KCTD2: variants seen among roughly 807,000 people sequenced by gnomAD.
KCTD2 encodes the protein BTB/POZ domain-containing protein KCTD2.
In KCTD2, 18 loss-of-function variants were observed where a neutral mutation model predicts 27.9. That is an observed-to-expected ratio of 0.64 (90% CI 0.45 to 0.96). The LOEUF (loss-of-function observed/expected upper bound fraction) is 0.96. Among genes scored for constraint, KCTD2 ranks in the 40% least tolerant of loss-of-function variants. The pLI is 0.00. For synonymous variants in KCTD2, 175 were observed against 148.4 expected (o/e 1.18, Z -1.30); for missense variants, 280 against 348.0 (o/e 0.80, Z 1.56).
chr17:75,044,691 A>G (rs2073195531), upstream of KCTD2, among the ~76,000 whole-genome samples: 1 of 152,224 alleles, frequency 6.6e-6, no homozygotes, highest in Non-Finnish European at 1.5e-5. Flanking sequence ...AAAAATACAG[A>G]AAACGACTAC....
intron 2 of KCTD2, among the ~76,000 whole-genome samples, chr17:75,050,706 A>T (rs1021777392): frequency 1.3e-5 from 2 of 152,224 alleles, no homozygotes; most frequent in African/African-American, 4.8e-5. Flanking sequence ...GCCTTTAATT[A>T]AAAAAACTTT....
At position 75,052,999 on chromosome 17, in the gene KCTD2, T is replaced by C. The variant is rs1452176166; in HGVS notation, c.449-15T>C. On this transcript the variant is annotated splice_polypyrimidine_tract_variant and intron_variant, in intron 2 of 5. Transcript: ENST00000322444. ...CCCTCGCACCTATCTGACTGCAGTT[T>C]TGTCCTTGTTCCAGGTGTGCTGGAG... 6.2e-7 allele frequency: 1 copy of C among 1,611,126 alleles called. No homozygotes were observed. The highest frequency in any genetic ancestry group is 8.5e-7 in the Non-Finnish European group (1 of 1,177,196).
intron 4 of KCTD2, chr17:75,060,602 G>A (rs760698134): frequency 7.3e-5 from 117 of 1,603,828 alleles, no homozygotes; most frequent in Non-Finnish European, 8.8e-5. Flanking sequence ...CGGCCTCCCC[G>A]CTCTGGCTCG....
chr17:75,036,363 C>T (rs1281695818), intron 3 of KCTD2, among the ~76,000 whole-genome samples: 5 of 152,200 alleles, frequency 3.3e-5, no homozygotes, highest in African/African-American at 7.2e-5. Flanking sequence ...CCTAGTGATC[C>T]GCTCACCTCG....
intron 3 of KCTD2, among the ~76,000 whole-genome samples, chr17:75,056,325 G>A (rs2073350193): frequency 6.6e-6 from 1 of 152,118 alleles, no homozygotes; most frequent in East Asian, 1.9e-4. Flanking sequence ...ATATTTAATA[G>A]TTTAGACATT....
intron 3 of KCTD2, among the ~76,000 whole-genome samples, chr17:75,054,616 T>C (rs982588700): frequency 6.6e-6 from 1 of 151,938 alleles, no homozygotes; most frequent in African/African-American, 2.4e-5. Flanking sequence ...CCATCCTGGC[T>C]AACACGGTGA....
intron 2 of KCTD2, among the ~76,000 whole-genome samples, chr17:75,050,603 A>T (rs1355782505): frequency 6.6e-6 from 1 of 152,172 alleles, no homozygotes; most frequent in Non-Finnish European, 1.5e-5. Context: ...AAATAAGCAC[A>T]TCATGGAGAA....
intron 4 of KCTD2, 146 bp from the exon 5 acceptor site, chr17:75,061,974 G>T: frequency 1.2e-6 from 1 of 817,218 alleles, no homozygotes; most frequent in East Asian, 3.2e-5. Context: ...TCTCCCCGGG[G>T]GCTTTGGTAG....
intron 2 of KCTD2, among the ~76,000 whole-genome samples, chr17:75,050,211 T>C (rs1161553133): frequency 6.6e-6 from 1 of 152,178 alleles, no homozygotes; most frequent in African/African-American, 2.4e-5. Context: ...GTGATCTTAA[T>C]CTTATTTATT....
upstream of KCTD2, among the ~76,000 whole-genome samples, chr17:75,044,072 T>A (rs1462269551): frequency 6.7e-6 from 1 of 149,386 alleles, no homozygotes; most frequent in East Asian, 1.9e-4. Context: ...TCCCCCGGGC[T>A]GGAGTGCAGT....
intron 3 of KCTD2, chr17:75,039,077 G>GA (rs1567986524): frequency 3.7e-6 from 6 of 1,613,798 alleles, no homozygotes; most frequent in East Asian, 2.2e-5. Context: ...GAAAGAGGGG[G>GA]AATGTGTTTA....
At chr17:75,050,802 T>C (rs144818105) in intron 2 of KCTD2, among the ~76,000 whole-genome samples, 1 of 152,162 alleles carries the variant, frequency 6.6e-6, no homozygotes, top group East Asian at 1.9e-4. Flanking sequence ...ATTAACCAAT[T>C]TTCAATGTTA....
At chr17:75,044,254 G>A (rs1286621268), upstream of KCTD2, among the ~76,000 whole-genome samples, 1 of 96,446 alleles carries the variant, frequency 1.0e-5, no homozygotes, top group Non-Finnish European at 1.8e-5. Flanking sequence ...GCCGGACTGC[G>A]GACTGCAGTG....
Position 75,064,101 on chromosome 17 carries a change from G to GGTAT in KCTD2, c.*1065_*1068dup, listed in dbSNP as rs1321243368. The GGTAT allele has an allele frequency of 1.3e-5, 2 of 152,666 alleles. No homozygotes were observed. Among genetic ancestry groups the GGTAT allele is most frequent in the Non-Finnish European group, 2.9e-5 (2 of 68,082 alleles). The allele number at this position is 152,666 out of a possible 1,614,324, so 9.5% of individuals were successfully genotyped here. On this transcript the variant is annotated 3_prime_UTR_variant, in exon 6 of 6. Transcript: ENST00000322444. ...TGCTCCCCTCTGTACTGTCCCCAGT[G>GGTAT]GTATGTATGTATGTGCTAGGCAGTC...
At chr17:75,057,426 G>T (rs1334103155) in intron 3 of KCTD2, among the ~76,000 whole-genome samples, 1 of 151,834 alleles carries the variant, frequency 6.6e-6, no homozygotes, top group Non-Finnish European at 1.5e-5. Flanking sequence ...TCTGAATTTT[G>T]TACTTATACA....
intron 4 of KCTD2, among the ~76,000 whole-genome samples, chr17:75,060,843 A>G (rs1169076822): frequency 6.6e-6 from 1 of 152,246 alleles, no homozygotes; most frequent in African/African-American, 2.4e-5. Context: ...CACACTTTGC[A>G]TTAATGCTGT....
At chr17:75,042,614 AGTCAATG>A, upstream of KCTD2, 4 of 1,612,446 alleles carry the variant, frequency 2.5e-6, no homozygotes, top group Non-Finnish European at 3.4e-6. Context: ...AAAGCTACCC[AGTCAATG>A]GTTTTTAGAG....
intron 3 of KCTD2, among the ~76,000 whole-genome samples, chr17:75,037,125 A>G (rs978844530): frequency 1.3e-5 from 2 of 152,138 alleles, no homozygotes; most frequent in African/African-American, 4.8e-5. Context: ...CGGGCAGATC[A>G]CGAGGTCAGG....
chr17:75,054,069 G>T (rs2073323673), intron 3 of KCTD2, among the ~76,000 whole-genome samples: 3 of 151,958 alleles, frequency 2.0e-5, no homozygotes, highest in Non-Finnish European at 4.4e-5. Context: ...CCAGGTTGGA[G>T]TGCAGTGGCG....
Sources: allele counts gnomAD v4.1 joint callset (sites outside exome capture counted in the v4.1 genomes callset), GRCh38; gene constraint gnomAD v4.1.1; transcripts MANE v1.5; gene names NCBI Gene and HGNC (gene_info 2026-07-23, HGNC 2026-07-21).